ATP8B1: variants seen among roughly 807,000 people sequenced by gnomAD.
ATP8B1 encodes the protein ATPase phospholipid transporting 8B1, also known as phospholipid-transporting ATPase IC.
A neutral mutation model predicts 149.9 loss-of-function variants in ATP8B1; 80 were observed. The observed-to-expected ratio is 0.53, with a 90% confidence interval of 0.45 to 0.64. The LOEUF is 0.64. Ranked by LOEUF, ATP8B1 falls within the 30% of genes least tolerant of loss-of-function variation. The pLI is 0.00. For synonymous variants in ATP8B1, 536 were observed against 562.8 expected (o/e 0.95, Z 0.67); for missense variants, 1,247 against 1,552.6 (o/e 0.80, Z 3.31).
At chr18:57,682,926 C>G (rs1239398591) in intron 15 of ATP8B1, among the ~76,000 whole-genome samples, 4 of 152,016 alleles carry the variant, frequency 2.6e-5, no homozygotes, top group African/African-American at 7.2e-5. Context: ...GCAGCCTTGA[C>G]CTCCTGGGCT....
In ATP8B1 at chr18:57,801,809, C is replaced by G. The variant is rs188319979; in HGVS notation, c.-26+1189G>C. 5.4e-4 allele frequency: 82 copies of G among 152,312 alleles called. 1 individual carries two copies. Among genetic ancestry groups the G allele is most frequent in the African/African-American group, 1.7e-3 (71 of 41,566 alleles). The allele number at this position is 152,312 out of a possible 1,614,324, so 9.4% of individuals were successfully genotyped here. A position where few individuals can be genotyped will look rare whatever the true frequency, so the allele number is the denominator to read the frequency against. ...GGGAGCGAATATTTTCTCACGCCAACAGGGAGGCCAGTTTCCGGGAGAGGA... is the reference window on the plus strand; with the variant it reads ...GGGAGCGAATATTTTCTCACGCCAAGAGGGAGGCCAGTTTCCGGGAGAGGA... On this transcript the variant is annotated intron_variant, in intron 1 of 27. Coordinates refer to ENST00000648908, the MANE Select transcript of ATP8B1 (RefSeq NM_001374385.1).
intron 22 of ATP8B1, among the ~76,000 whole-genome samples, chr18:57,656,817 G>T (rs1347124802): frequency 6.7e-6 from 1 of 149,642 alleles, no homozygotes; most frequent in Non-Finnish European, 1.5e-5. Context: ...GGGAGAGAAG[G>T]GAGGGAGGGG....
rs12604648 is a variant in ATP8B1, at chr18:57,756,238, T to C, written c.-25-24406A>G. The stretch of plus-strand genomic sequence containing the variant: ...ACACACACACACACACACACACACA[T>C]ATATACACACACACATATATATATA... On this transcript the variant is annotated intron_variant, in intron 1 of 27. Transcript: ENST00000648908. Among the ~76,000 whole-genome samples the C allele has an allele frequency of 6.1e-4, 66 of 108,356 alleles. 4 individuals carry two copies. The highest frequency in any genetic ancestry group is 2.3e-3 in the East Asian group (9 of 3,858). 71.1% of individuals were successfully genotyped at this position (108,356 alleles called of 152,430 possible). A position where few individuals can be genotyped will look rare whatever the true frequency, so the allele number is the denominator to read the frequency against.
At chr18:57,742,177 A>G (rs2079921077) in intron 1 of ATP8B1, among the ~76,000 whole-genome samples, 1 of 152,176 alleles carries the variant, frequency 6.6e-6, no homozygotes, top group African/African-American at 2.4e-5. Flanking sequence ...GCCAATGCTC[A>G]GTATTCTTGA....
At chr18:57,720,221 CAGCAACAGAACAAAGCT>C (rs1454074941) in intron 2 of ATP8B1, among the ~76,000 whole-genome samples, 7 of 144,874 alleles carry the variant, frequency 4.8e-5, no homozygotes, top group Non-Finnish European at 9.1e-5. Flanking sequence ...AGTTCCTCAC[CAGCAACAGAACAAAGCT>C]GGATGGAGAA....
chr18:57,743,682 G>A (rs2079939374), intron 1 of ATP8B1, among the ~76,000 whole-genome samples: 1 of 152,124 alleles, frequency 6.6e-6, no homozygotes, highest in Non-Finnish European at 1.5e-5. Flanking sequence ...TGGGAGATCT[G>A]GGGGAAAGAG....
intron 15 of ATP8B1, among the ~76,000 whole-genome samples, chr18:57,681,122 C>T (rs1911945738): frequency 6.6e-6 from 1 of 152,164 alleles, no homozygotes; most frequent in African/African-American, 2.4e-5. Context: ...GGACAGAACT[C>T]TTCTTGGGGA....
Position 57,731,532 on chromosome 18 carries a change from A to C in ATP8B1, c.181+95T>G. ...GAGATCAGAGAAGATTCTCTCCTAG[A>C]CCACGCAAAATAGACCGATCATCTT... On this transcript the variant is annotated intron_variant, in intron 2 of 27. Coordinates refer to ENST00000648908, the MANE Select transcript of ATP8B1 (RefSeq NM_001374385.1). 9.3e-6 allele frequency: 13 copies of C among 1,401,230 alleles called. No homozygotes were observed. The South Asian group carries it at 1.6e-4, about 17-fold the overall frequency. The allele number at this position is 1,401,230 out of a possible 1,614,324, so 86.8% of individuals were successfully genotyped here. A position where few individuals can be genotyped will look rare whatever the true frequency, so the allele number is the denominator to read the frequency against.
chr18:57,653,493 C>T (rs975810065), intron 24 of ATP8B1, among the ~76,000 whole-genome samples: 2 of 151,668 alleles, frequency 1.3e-5, no homozygotes, highest in East Asian at 3.9e-4. Context: ...CCTATGTTGC[C>T]AGGGCTGGTC....
At chr18:57,682,891 G>T (rs1454600065) in intron 15 of ATP8B1, among the ~76,000 whole-genome samples, 4 of 152,018 alleles carry the variant, frequency 2.6e-5, no homozygotes, top group Admixed American at 2.0e-4. Context: ...GAAGCTGGAG[G>T]GTAATGGTGA....
At chr18:57,650,292 G>T in intron 27 of ATP8B1, 75 bp downstream of exon 27, 1 of 1,559,994 alleles carries the variant, frequency 6.4e-7, no homozygotes. Context: ...TTAGAATTTT[G>T]CAGGAAACGT....
intron 15 of ATP8B1, among the ~76,000 whole-genome samples, chr18:57,683,753 T>C (rs1333823861): frequency 6.6e-6 from 1 of 152,228 alleles, no homozygotes; most frequent in East Asian, 1.9e-4. Context: ...TCTATCATAG[T>C]TCAAGTACCA....
intron 1 of ATP8B1, among the ~76,000 whole-genome samples, chr18:57,759,266 C>G (rs2080122414): frequency 6.6e-6 from 1 of 151,504 alleles, no homozygotes. Flanking sequence ...ACCCTAGGTC[C>G]TTAAAGTCTA....
At chr18:57,687,773 ATTTTTTTTT>A (rs11342488) in intron 13 of ATP8B1, among the ~76,000 whole-genome samples, 2 of 95,244 alleles carry the variant, frequency 2.1e-5, no homozygotes, top group African/African-American at 7.7e-5. Context: ...GAGACTTCTA[ATTTTTTTTT>A]TTTTTTTTTT....
intron 1 of ATP8B1, among the ~76,000 whole-genome samples, chr18:57,761,188 A>G (rs1449013121): frequency 6.6e-6 from 1 of 151,994 alleles, no homozygotes; most frequent in Non-Finnish European, 1.5e-5. Flanking sequence ...CAATCCTTCC[A>G]CCTTGGCCTC....
chr18:57,675,049 G>T, intron 15 of ATP8B1, 27 bp from the exon 16 acceptor site: 2 of 1,611,488 alleles, frequency 1.2e-6, no homozygotes, highest in Non-Finnish European at 1.7e-6. Flanking sequence ...AGAAATCCCA[G>T]AAAAGCTGTA....
In ATP8B1 at chr18:57,680,620, A is replaced by AAAACAAAACAAAAC. The variant is rs1568193464; in HGVS notation, c.1630+3415_1630+3416insGTTTTGTTTTGTTT. Among the ~76,000 whole-genome samples, 245 of 133,202 alleles carry AAAACAAAACAAAAC rather than the reference A, an allele frequency of 1.8e-3. 10 individuals are homozygous for AAAACAAAACAAAAC. The East Asian group carries it at 0.045, about 25-fold the overall frequency. The allele number at this position is 133,202 out of a possible 152,430, so 87.4% of individuals were successfully genotyped here. ...CAAAACAAAACAAAACAAAACAAAA[A>AAAACAAAACAAAAC]AAAAACCACACACGCTCACAAAAAC... On this transcript the variant is annotated intron_variant, in intron 15 of 27. Coordinates refer to ENST00000648908, the MANE Select transcript of ATP8B1 (RefSeq NM_001374385.1).
intron 12 of ATP8B1, 88 bp from the exon 13 acceptor site, chr18:57,688,595 C>A: frequency 7.5e-7 from 1 of 1,324,700 alleles, no homozygotes; most frequent in Non-Finnish European, 1.1e-6. Context: ...CAGACGAGAG[C>A]AAGCTGCTTA....
In ATP8B1 at chr18:57,669,483, C is replaced by G. The variant is rs765199337; in HGVS notation, c.1933-1G>C. 2 of 1,610,284 alleles carry G rather than the reference C, an allele frequency of 1.2e-6. No homozygotes were observed. The highest frequency in any genetic ancestry group is 1.7e-6 in the Non-Finnish European group (2 of 1,177,076). ...TTCTAAGAGTTTCATTTGCAAAGAT[C>G]TGTTTTATTTAAAAAAATAAATCCA... On this transcript the variant is annotated splice_acceptor_variant, in intron 17 of 27. Coordinates refer to ENST00000648908, the MANE Select transcript of ATP8B1 (RefSeq NM_001374385.1). LOFTEE classifies it high-confidence loss of function.
Sources: allele counts gnomAD v4.1 joint callset (sites outside exome capture counted in the v4.1 genomes callset), GRCh38; gene constraint gnomAD v4.1.1; transcripts MANE v1.5; gene names NCBI Gene and HGNC (gene_info 2026-07-23, HGNC 2026-07-21).